Variants in CAMK1D observed in about 807,000 individuals in gnomAD.
The protein encoded by CAMK1D is calcium/calmodulin-dependent protein kinase type 1D.
CAMK1D carries 9 observed loss-of-function variants against 47.7 expected under a neutral mutation model. That is an observed-to-expected ratio of 0.19 (90% confidence interval 0.11 to 0.33). The LOEUF (loss-of-function observed/expected upper bound fraction) is 0.33, where lower values mean the gene tolerates loss of function less well. CAMK1D is among the 10% of genes least tolerant of loss of function. CAMK1D has a pLI of 1.00. For missense variants in CAMK1D, 291 were observed against 488.7 expected (o/e 0.60, Z 3.81); for synonymous variants, 184 against 184.9 (o/e 0.99, Z 0.04).
chr10:12,795,775 T>C (rs1311371456), intron 6 of CAMK1D, among the ~76,000 whole-genome samples: 1 of 152,194 alleles, frequency 6.6e-6, no homozygotes, highest in Middle Eastern at 3.2e-3. Context: ...GGAGAAGTAT[T>C]TTTTCCTACC....
intron 1 of CAMK1D, among the ~76,000 whole-genome samples, chr10:12,504,246 A>C (rs1834800692): frequency 6.6e-6 from 1 of 151,944 alleles, no homozygotes; most frequent in Non-Finnish European, 1.5e-5. Flanking sequence ...ACACACACAC[A>C]CACATCTAGG....
At chr10:12,673,517 C>T (rs989350490) in intron 3 of CAMK1D, among the ~76,000 whole-genome samples, 11 of 152,008 alleles carry the variant, frequency 7.2e-5, no homozygotes, top group African/African-American at 2.7e-4. Flanking sequence ...CTTACTAGTT[C>T]CAGTGTTGTT....
At chr10:12,697,872 G>T (rs55668705) in intron 3 of CAMK1D, among the ~76,000 whole-genome samples, 1 of 152,006 alleles carries the variant, frequency 6.6e-6, no homozygotes, top group Non-Finnish European at 1.5e-5. Context: ...CAGCCATGGG[G>T]TGTGAAAGGT....
At chr10:12,825,839 T>A (rs1186634442) in intron 10 of CAMK1D, 149 bp downstream of exon 10, 3 of 1,348,768 alleles carry the variant, frequency 2.2e-6, no homozygotes, top group Non-Finnish European at 3.0e-6. Flanking sequence ...GGACTTTTTT[T>A]AACATGTAAT....
At chr10:12,508,383 C>T (rs1052288834) in intron 1 of CAMK1D, among the ~76,000 whole-genome samples, 7 of 152,186 alleles carry the variant, frequency 4.6e-5, no homozygotes, top group East Asian at 1.9e-4. Flanking sequence ...ATGCGCTAAG[C>T]GAAACAGGCC....
intron 1 of CAMK1D, among the ~76,000 whole-genome samples, chr10:12,433,273 C>G (rs59545828): frequency 0.017 from 2,640 of 152,266 alleles, 80 homozygotes; most frequent in African/African-American, 0.06. Context: ...CTTTGCTGAT[C>G]ATTCTCATCC....
chr10:12,659,456 T>A (rs1840211307), intron 2 of CAMK1D, among the ~76,000 whole-genome samples: 2 of 152,188 alleles, frequency 1.3e-5, no homozygotes, highest in South Asian at 4.1e-4. Context: ...TGTTGCAGAA[T>A]GAAATAACAC....
chr10:12,473,152 A>C (rs1252350622), intron 1 of CAMK1D, among the ~76,000 whole-genome samples: 2 of 152,172 alleles, frequency 1.3e-5, no homozygotes, highest in East Asian at 1.9e-4. Flanking sequence ...AGCTGTAGGC[A>C]CAGACAGGTG....
intron 3 of CAMK1D, among the ~76,000 whole-genome samples, chr10:12,700,290 C>T (rs1465701673): frequency 6.6e-6 from 1 of 152,182 alleles, no homozygotes; most frequent in East Asian, 1.9e-4. Flanking sequence ...CCTCAGGAAA[C>T]TTAGAATCAT....
intron 1 of CAMK1D, among the ~76,000 whole-genome samples, chr10:12,516,916 C>T (rs916332737): frequency 6.6e-6 from 1 of 152,208 alleles, no homozygotes; most frequent in Admixed American, 6.5e-5. Flanking sequence ...TCAGTTTCTA[C>T]AGCAGACTTG....
intron 1 of CAMK1D, among the ~76,000 whole-genome samples, chr10:12,494,871 G>C (rs898781804): frequency 2.0e-5 from 3 of 152,072 alleles, no homozygotes; most frequent in African/African-American, 4.8e-5. Context: ...GCCCAGCCTG[G>C]CCTTGAATTT....
chr10:12,501,179 G>T (rs1242741107), intron 1 of CAMK1D, among the ~76,000 whole-genome samples: 1 of 152,230 alleles, frequency 6.6e-6, no homozygotes, highest in East Asian at 1.9e-4. Flanking sequence ...GCCTAAGTGG[G>T]TTGTAGCAAT....
chr10:12,536,479 A>G (rs1354760091), intron 1 of CAMK1D, among the ~76,000 whole-genome samples: 1 of 152,118 alleles, frequency 6.6e-6, no homozygotes, highest in Non-Finnish European at 1.5e-5. Context: ...GGGTTTCTCC[A>G]TGTTGGCCAG....
intron 1 of CAMK1D, among the ~76,000 whole-genome samples, chr10:12,505,495 G>C (rs1187750388): frequency 6.6e-6 from 1 of 152,198 alleles, no homozygotes; most frequent in Non-Finnish European, 1.5e-5. Context: ...TTCTCACTCA[G>C]AGCCCAGGCT....
At chr10:12,427,700 G>GT (rs768000055) in intron 1 of CAMK1D, among the ~76,000 whole-genome samples, 7,463 of 30,766 alleles carry the variant, frequency 0.24, 2,392 homozygotes, top group Admixed American at 0.4. Context: ...TGAACTTACT[G>GT]TTTTTTTTTT....
intron 3 of CAMK1D, among the ~76,000 whole-genome samples, chr10:12,716,118 G>A (rs1259659088): frequency 6.6e-6 from 1 of 152,024 alleles, no homozygotes; most frequent in Non-Finnish European, 1.5e-5. Context: ...GGAGAATGAG[G>A]GGACACCTTC....
chr10:12,529,060 A>G (rs1298811096), intron 1 of CAMK1D, among the ~76,000 whole-genome samples: 1 of 149,616 alleles, frequency 6.7e-6, no homozygotes, highest in Non-Finnish European at 1.5e-5. Context: ...CTGGTCTTGA[A>G]CTCCTGGGCT....
intron 3 of CAMK1D, among the ~76,000 whole-genome samples, chr10:12,740,068 C>T (rs1444616813): frequency 2.6e-5 from 4 of 152,138 alleles, no homozygotes; most frequent in Non-Finnish European, 1.5e-5. Context: ...TGTTTCATCC[C>T]GTCATCTGGG....
At chr10:12,633,831 A>G (rs150971700) in intron 2 of CAMK1D, among the ~76,000 whole-genome samples, 49 of 152,298 alleles carry the variant, frequency 3.2e-4, no homozygotes, top group African/African-American at 1.1e-3. Flanking sequence ...TGCTGGGATT[A>G]CAAGCGTCAG....
Sources: gnomAD v4.1 joint callset for allele counts (sites outside exome capture counted in the v4.1 genomes callset) on GRCh38, gnomAD v4.1.1 for gene constraint, MANE v1.5 for transcripts, NCBI Gene and HGNC (gene_info 2026-07-23, HGNC 2026-07-21) for gene names.